Variants in IQCE observed in about 807,000 individuals in gnomAD.
The protein encoded by IQCE is IQ motif containing E.
In IQCE, 115 loss-of-function variants were observed where a neutral mutation model predicts 96.0. The observed-to-expected ratio is 1.20, with a 90% confidence interval of 1.03 to 1.40. The LOEUF (loss-of-function observed/expected upper bound fraction) is 1.40. Among genes scored for constraint, IQCE ranks in the 40% most tolerant of loss-of-function variants. The probability of loss-of-function intolerance (pLI) is 0.00; values close to 1 mark genes in which losing one functional copy is unlikely to be tolerated. For synonymous variants in IQCE, 412 were observed against 371.2 expected, an observed-to-expected ratio of 1.11 and a Z score of -1.26; for missense variants, 1,041 against 909.1, an observed-to-expected ratio of 1.15 and a Z score of -1.87.
Position 2,571,556 on chromosome 7 carries a change from T to G in IQCE, c.161T>G (p.Val54Gly), listed in dbSNP as rs1781755889. 1.2e-6 allele frequency: 2 copies of G among 1,605,870 alleles called. No homozygotes were observed. Among genetic ancestry groups the G allele is most frequent in the Non-Finnish European group, 1.7e-6 (2 of 1,179,978 alleles). ...CCTTATCTCTCTAAGCCGAGAAAAG[T>G]GGCCTCCTGGAGGTCCCTCAGGACG... ...KSPYLSKPRKVASWRSLRTAG... is the reference protein window; with the variant it reads ...KSPYLSKPRKGASWRSLRTAG... The change falls in exon 4 of 22, where the codon GTG (valine) becomes GGG (glycine). Residue 54 changes from valine to glycine, a missense_variant. Physicochemically the swap from Val to Gly is moderately radical, Grantham distance 109. Coordinates refer to ENST00000402050, the MANE Select transcript of IQCE (RefSeq NM_152558.5).
Position 2,571,541 on chromosome 7 carries a change from C to CT in IQCE, c.147dup (p.Lys50Ter). ...GCTTTTCCAGAGTCACCTTATCTCT[C>CT]TAAGCCGAGAAAAGTGGCCTCCTGG... On this transcript the variant is annotated frameshift_variant, in exon 4 of 22. Coordinates refer to ENST00000402050, the MANE Select transcript of IQCE (RefSeq NM_152558.5). LOFTEE classifies it high-confidence loss of function. 6.2e-7 allele frequency: 1 copy of CT among 1,606,500 alleles called. No individual in the cohort carries two copies. The highest frequency in any genetic ancestry group is 8.5e-7 in the Non-Finnish European group (1 of 1,179,988).
chr7:2,563,922 C>A (rs1424020686), intron 1 of IQCE, among the ~76,000 whole-genome samples: 2 of 144,674 alleles, frequency 1.4e-5, no homozygotes, highest in Non-Finnish European at 3.0e-5. Flanking sequence ...AAAAATTTCA[C>A]TCATCAGCCG....
At chr7:2,577,221 G>T (rs1027543202) in intron 6 of IQCE, among the ~76,000 whole-genome samples, 3 of 152,238 alleles carry the variant, frequency 2.0e-5, no homozygotes, top group South Asian at 2.1e-4. Context: ...GGCTGTGTGT[G>T]GTGTGTGTGC....
At chr7:2,606,484 G>C (rs909184070) in intron 20 of IQCE, among the ~76,000 whole-genome samples, 2 of 152,162 alleles carry the variant, frequency 1.3e-5, no homozygotes, top group Non-Finnish European at 2.9e-5. Flanking sequence ...AAAACCCCTT[G>C]AAGTGAGCCT....
In IQCE at chr7:2,598,614, GA is replaced by G; in HGVS notation, c.1592del (p.Lys531ArgfsTer33). 1 of 1,580,646 alleles carries G rather than the reference GA, an allele frequency of 6.3e-7. No homozygotes were observed. The highest frequency in any genetic ancestry group is 1.2e-5 in the South Asian group (1 of 86,952). On this transcript the variant is annotated frameshift_variant, in exon 17 of 22. Coordinates refer to ENST00000402050, the MANE Select transcript of IQCE (RefSeq NM_152558.5). LOFTEE classifies it high-confidence loss of function. ...CGGCCAGAGTCCTGCAGGCCCAGTG[GA>G]AGGTGTACAAGCACAAGGTGAGGCT... ...AAARVLQAQWKVYKHKKKKAV... is the reference protein window; with the variant it reads ...AAARVLQAQWXVYKHKKKKAV...
intron 14 of IQCE, among the ~76,000 whole-genome samples, chr7:2,591,466 C>G (rs543824494): frequency 1.2e-4 from 18 of 152,246 alleles, no homozygotes; most frequent in Admixed American, 3.9e-4. Context: ...ATGTTTCTCT[C>G]TAGTTTGCAA....
intron 3 of IQCE, among the ~76,000 whole-genome samples, chr7:2,570,156 C>A (rs149335826): frequency 1.3e-5 from 2 of 152,166 alleles, no homozygotes; most frequent in African/African-American, 4.8e-5. Context: ...GGCTTTTCAT[C>A]GTCCTGGTCA....
chr7:2,562,366 T>G (rs1235592044), intron 1 of IQCE, among the ~76,000 whole-genome samples: 8 of 151,890 alleles, frequency 5.3e-5, no homozygotes, highest in Admixed American at 2.0e-4. Context: ...ATAAAGAATG[T>G]TGGTCTGTAG....
chr7:2,574,210 A>G (rs1365500577), intron 6 of IQCE, among the ~76,000 whole-genome samples: 1 of 152,202 alleles, frequency 6.6e-6, no homozygotes, highest in East Asian at 1.9e-4. Context: ...TAGTCTGTTT[A>G]TACAGCTACT....
intron 8 of IQCE, 76 bp downstream of exon 8, chr7:2,578,602 C>G: frequency 6.7e-7 from 1 of 1,484,896 alleles, no homozygotes; most frequent in Non-Finnish European, 9.4e-7. Context: ...GGACGCCTTT[C>G]CCTGCAGCAC....
At chr7:2,598,692 C>T in intron 17 of IQCE, 60 bp downstream of exon 17, 1 of 1,395,178 alleles carries the variant, frequency 7.2e-7, no homozygotes. Context: ...CCAAGGCAAG[C>T]CACTCACTCT....
At chr7:2,573,397 G>A (rs367893330) in intron 5 of IQCE, 21 bp from the exon 6 acceptor site, 5 of 1,202,312 alleles carry the variant, frequency 4.2e-6, no homozygotes, top group South Asian at 2.5e-5. Flanking sequence ...TCTTTGAAAC[G>A]ATTTGTTTAT....
At chr7:2,577,861 G>C (rs1422660481) in intron 6 of IQCE, among the ~76,000 whole-genome samples, 205 of 141,440 alleles carry the variant, frequency 1.4e-3, no homozygotes, top group African/African-American at 5.3e-3. Flanking sequence ...GTGCGTGGCT[G>C]TGCGCGCGGG....
At chr7:2,565,516 C>T (rs1368544269) in intron 1 of IQCE, among the ~76,000 whole-genome samples, 1 of 152,142 alleles carries the variant, frequency 6.6e-6, no homozygotes, top group Non-Finnish European at 1.5e-5. Flanking sequence ...AGATTTTATT[C>T]ACAGCAAGGA....
At chr7:2,570,533 G>GT (rs1232777316) in intron 3 of IQCE, among the ~76,000 whole-genome samples, 7 of 151,878 alleles carry the variant, frequency 4.6e-5, no homozygotes, top group Admixed American at 6.6e-5. Flanking sequence ...CTCATTCACA[G>GT]TTACGGTGGC....
At chr7:2,592,340 G>C (rs1422380792) in intron 14 of IQCE, among the ~76,000 whole-genome samples, 1 of 152,206 alleles carries the variant, frequency 6.6e-6, no homozygotes, top group Non-Finnish European at 1.5e-5. Context: ...AAACATTAAG[G>C]TAGTCATTAT....
At chr7:2,573,555 C>T (rs1172646156) in intron 6 of IQCE, 67 bp downstream of exon 6, 1 of 880,754 alleles carries the variant, frequency 1.1e-6, no homozygotes, top group Non-Finnish European at 1.9e-6. Flanking sequence ...TGTATTAGAA[C>T]ATCAGTGCCT....
At chr7:2,588,002 A>T (rs532588298) in intron 13 of IQCE, 125 bp downstream of exon 13, 1 of 893,498 alleles carries the variant, frequency 1.1e-6, no homozygotes, top group Non-Finnish European at 1.8e-6. Context: ...AGCGCCACAC[A>T]CAGACCGCAA....
At chr7:2,562,712 T>C (rs1400940763) in intron 1 of IQCE, among the ~76,000 whole-genome samples, 2 of 152,008 alleles carry the variant, frequency 1.3e-5, no homozygotes, top group Admixed American at 6.6e-5. Flanking sequence ...TTCATTGATT[T>C]TTCTATTGTT....
Sources: gnomAD v4.1 joint callset for allele counts (sites outside exome capture counted in the v4.1 genomes callset) on GRCh38, gnomAD v4.1.1 for gene constraint, MANE v1.5 for transcripts, NCBI Gene and HGNC (gene_info 2026-07-23, HGNC 2026-07-21) for gene names.